The following GPT2 variants were observed in gnomAD, a reference collection of about 807,000 sequenced individuals.
GPT2 encodes alanine aminotransferase 2.
In GPT2, 30 loss-of-function variants were observed where a neutral mutation model predicts 56.9. The observed-to-expected ratio is 0.53, with a 90% CI of 0.39 to 0.72. GPT2 has a LOEUF of 0.72. Ranked by LOEUF, GPT2 falls within the 30% of genes least tolerant of loss-of-function variation. The pLI is 0.00. For missense variants in GPT2, 542 were observed against 703.4 expected (o/e 0.77, Z 2.60); for synonymous variants, 271 against 283.1 (o/e 0.96, Z 0.43).
intron 5 of GPT2, among the ~76,000 whole-genome samples, chr16:46,909,014 A>T (rs1388741623): frequency 6.6e-6 from 1 of 152,126 alleles, no homozygotes; most frequent in African/African-American, 2.4e-5. Flanking sequence ...AATCTTCAAC[A>T]AGCATCCTGC....
rs576940993 is a variant in GPT2, at chr16:46,899,470, C to T, written c.334-1212C>T. Among the ~76,000 whole-genome samples, 473 of 152,250 alleles carry T rather than the reference C, an allele frequency of 3.1e-3. 1 individual carries two copies. The highest frequency in any genetic ancestry group is 5.4e-3 in the Non-Finnish European group (365 of 68,012). On this transcript the variant is annotated intron_variant, in intron 3 of 11. Coordinates refer to ENST00000340124, the MANE Select transcript of GPT2 (RefSeq NM_133443.4). ...GGGGCTGGGAGGGCTCAGCCCACAG[C>T]CCCTGAGGGAGTTGTCACAGGGCAG...
intron 2 of GPT2, 189 bp downstream of exon 2, chr16:46,885,147 G>C (rs977447465): frequency 7.5e-7 from 1 of 1,334,616 alleles, no homozygotes; most frequent in African/African-American, 1.5e-5. Context: ...CGGGCACTCA[G>C]TGAGGCCTTG....
intron 2 of GPT2, among the ~76,000 whole-genome samples, chr16:46,890,097 C>G (rs79696459): frequency 0.012 from 1,816 of 152,358 alleles, 22 homozygotes; most frequent in Non-Finnish European, 0.019. Context: ...CAGCTCAGCC[C>G]TGGAGGCTCT....
At chr16:46,915,828 A>C in intron 6 of GPT2, 1 of 145,452 alleles carries the variant, frequency 6.9e-6, no homozygotes, top group African/African-American at 2.7e-5. Flanking sequence ...CCCCCATCAC[A>C]CCTACACACA....
chr16:46,905,446 C>T (rs573367249), intron 4 of GPT2, among the ~76,000 whole-genome samples: 151 of 152,298 alleles, frequency 9.9e-4, no homozygotes, highest in African/African-American at 3.5e-3. Flanking sequence ...CAGTCGCCAT[C>T]CTGCCTCCTG....
chr16:46,884,866 G>A lies in GPT2; in HGVS notation c.151G>A (p.Glu51Lys), dbSNP rs1048175143. Residue 51 changes from glutamate to lysine, a missense_variant, in exon 2 of 12, where the codon GAG becomes AAG. By Grantham distance (56) the Glu-to-Lys change is moderately conservative. Coordinates refer to ENST00000340124, the MANE Select transcript of GPT2 (RefSeq NM_133443.4). The part of the protein sequence containing the change: ...RSRRERILTL[E>K]SMNPQVKAVE... ...CCGGCGCGAGCGCATCCTCACGCTGGAGTCCATGAACCCGCAGGTGAAGGC... is the reference window on the plus strand; with the variant it reads ...CCGGCGCGAGCGCATCCTCACGCTGAAGTCCATGAACCCGCAGGTGAAGGC... 2 of 1,545,042 alleles carry A rather than the reference G, an allele frequency of 1.3e-6. No homozygotes were observed. The highest frequency in any genetic ancestry group is 1.4e-5 in the African/African-American group (1 of 72,508).
chr16:46,897,999 G>T (rs1181178064), intron 3 of GPT2, among the ~76,000 whole-genome samples: 1 of 152,170 alleles, frequency 6.6e-6, no homozygotes, highest in Non-Finnish European at 1.5e-5. Flanking sequence ...AACTTGGTGG[G>T]CAAAGGCAGT....
rs750684969 is a variant in GPT2 at position 46,926,950 on chromosome 16, T to A, written c.1394T>A (p.Phe465Tyr). ...AQAHQMAPDM[F>Y]YCMKLLEETG... ...GCCCATCAAATGGCTCCAGACATGT[T>A]CTACTGCATGAAGCTCCTGGAGGAG... Residue 465 changes from phenylalanine (F) to tyrosine (Y), a missense_variant, in exon 11 of 12, where the codon TTC becomes TAC. Physicochemically the swap from Phe to Tyr is conservative, Grantham distance 22. Transcript: ENST00000340124. 1 of 1,602,576 alleles carries A rather than the reference T, an allele frequency of 6.2e-7. No individual in the cohort carries two copies. The highest frequency in any genetic ancestry group is 8.5e-7 in the Non-Finnish European group (1 of 1,175,114).
At position 46,918,750 on chromosome 16, in the gene GPT2, A is replaced by C; in HGVS notation, c.1030A>C (p.Met344Leu). 1 of 1,613,988 alleles carries C rather than the reference A, an allele frequency of 6.2e-7. No homozygotes were observed. The highest frequency in any genetic ancestry group is 8.5e-7 in the Non-Finnish European group (1 of 1,179,996). The change falls in exon 8 of 12, where the codon ATG becomes CTG. Residue 344 changes from methionine to leucine, a missense_variant. Met to Leu is a conservative substitution (Grantham distance 15). Transcript: ENST00000340124. ...CTTCCACTCCACCTCCAAGGGCTAC[A>C]TGGGCGAGTACGTGGGCCTCCCTTC... ...ASFHSTSKGY[M>L]GECGYRGGYM...
chr16:46,900,108 C>T (rs1462615158), intron 3 of GPT2, among the ~76,000 whole-genome samples: 1 of 152,216 alleles, frequency 6.6e-6, no homozygotes, highest in East Asian at 1.9e-4. Context: ...ACTTGCCGGG[C>T]GAGCTGGGGT....
At chr16:46,907,110 CTGGCAGCCTGCAGTCTTTGCCTCTTT>C in intron 5 of GPT2, 135 bp downstream of exon 5, 1 of 1,122,210 alleles carries the variant, frequency 8.9e-7, no homozygotes, top group South Asian at 1.4e-5. Flanking sequence ...TCCCCCAGCC[CTGGCAGCCTGCAGTCTTTGCCTCTTT>C]TAGTCTTCAT....
chr16:46,893,492 G>A (rs186252027), intron 2 of GPT2, among the ~76,000 whole-genome samples: 9 of 152,292 alleles, frequency 5.9e-5, no homozygotes, highest in Admixed American at 1.3e-4. Flanking sequence ...CCACGGATGC[G>A]GAGGCTGACG....
intron 9 of GPT2, among the ~76,000 whole-genome samples, chr16:46,923,230 G>A (rs1379185132): frequency 6.6e-6 from 1 of 152,176 alleles, no homozygotes; most frequent in East Asian, 1.9e-4. Context: ...GGGAGGTTGT[G>A]GCAGGCGGAT....
intron 10 of GPT2, among the ~76,000 whole-genome samples, chr16:46,924,880 G>A (rs1027841377): frequency 1.3e-5 from 2 of 152,116 alleles, no homozygotes; most frequent in African/African-American, 4.8e-5. Flanking sequence ...GCATTCTGGA[G>A]CAGCGCTTCC....
intron 2 of GPT2, among the ~76,000 whole-genome samples, chr16:46,885,888 C>T (rs1018070140): frequency 1.2e-4 from 19 of 152,234 alleles, no homozygotes; most frequent in Admixed American, 9.8e-4. Context: ...TAGCTGCTTG[C>T]TAGAGAGAGT....
Position 46,930,127 on chromosome 16 carries a change from T to C in GPT2, c.*1130T>C, listed in dbSNP as rs1026268375. ...TTTCATGCAGAGTGTTTTGCCTTCA[T>C]GTTAGCTTCCGGCTCCCCTCCCAGG... On this transcript the variant is annotated 3_prime_UTR_variant, in exon 12 of 12. Coordinates refer to ENST00000340124, the MANE Select transcript of GPT2 (RefSeq NM_133443.4). 2.0e-5 allele frequency: 3 copies of C among 153,050 alleles called. No homozygotes were observed. Among genetic ancestry groups the C allele is most frequent in the Admixed American group, 6.5e-5 (1 of 15,288 alleles). 9.5% of individuals were successfully genotyped at this position (153,050 alleles called of 1,614,324 possible).
chr16:46,888,361 T>C (rs1283830274), intron 2 of GPT2, among the ~76,000 whole-genome samples: 1 of 152,258 alleles, frequency 6.6e-6, no homozygotes, highest in Non-Finnish European at 1.5e-5. Context: ...TTTATTTATT[T>C]ATTGAGACTG....
At position 46,900,722 on chromosome 16, in the gene GPT2, C is replaced by T. The variant is rs1567335857; in HGVS notation, c.374C>T (p.Pro125Leu). The T allele has an allele frequency of 6.2e-7, 1 of 1,614,076 alleles. No individual in the cohort carries two copies. Among genetic ancestry groups the T allele is most frequent in the African/African-American group, 1.3e-5 (1 of 75,044 alleles). ...ACCTACCCAAACCTGCTGGACAGCC[C>T]CAGCTTCCCAGAAGATGCTAAGAAA... Reference protein sequence around the residue: ...LCTYPNLLDSPSFPEDAKKRA... With the variant: ...LCTYPNLLDSLSFPEDAKKRA... The change falls in exon 4 of 12, where the codon CCC becomes CTC. Residue 125 changes from proline (P) to leucine (L), a missense_variant. Transcript: ENST00000340124.
At chr16:46,892,681 A>C (rs1960607803) in intron 2 of GPT2, among the ~76,000 whole-genome samples, 1 of 152,164 alleles carries the variant, frequency 6.6e-6, no homozygotes, top group South Asian at 2.1e-4. Context: ...GATGTTTTGC[A>C]TCTTTTTCAT....
Sources: gnomAD v4.1 joint callset for allele counts (sites outside exome capture counted in the v4.1 genomes callset) on GRCh38, gnomAD v4.1.1 for gene constraint, MANE v1.5 for transcripts, NCBI Gene and HGNC (gene_info 2026-07-23, HGNC 2026-07-21) for gene names.